The following MEGF6 variants were observed in gnomAD, a reference collection of about 807,000 sequenced individuals.
MEGF6 encodes the protein multiple epidermal growth factor-like domains protein 6.
In MEGF6, 184 loss-of-function variants were observed where a neutral mutation model predicts 207.1. That is an observed-to-expected ratio of 0.89 (90% CI 0.79 to 1.00). MEGF6 has a LOEUF of 1.00. MEGF6 is among the 50% of genes least tolerant of loss of function. MEGF6 has a pLI of 0.00. For synonymous variants in MEGF6, 1,038 were observed against 910.0 expected, an observed-to-expected ratio of 1.14 and a Z score of -2.53; for missense variants, 2,282 against 2,202.9, an observed-to-expected ratio of 1.04 and a Z score of -0.72.
At chr1:3,618,704 G>A in the MEGF6 span, among the ~76,000 whole-genome samples, 46 of 152,310 alleles carry the variant, frequency 3.0e-4, no homozygotes, top group Non-Finnish European at 5.4e-4. This position sits in a 1 kb window ranked among gnomAD's most constrained non-coding sequence, Gnocchi z 4.7. Context: ...CCACCTGAGC[G>A]CTCACGACTG....
chr1:3,524,543 C>T (rs1641888635), intron 4 of MEGF6, among the ~76,000 whole-genome samples: 9 of 152,322 alleles, frequency 5.9e-5, no homozygotes, highest in Admixed American at 5.2e-4. Context: ...AAGACTGAAC[C>T]GGGAGCGCAC....
intron 4 of MEGF6, chr1:3,531,156 G>A: frequency 6.6e-7 from 1 of 1,526,324 alleles, no homozygotes; most frequent in Non-Finnish European, 8.8e-7. Context: ...TCCAGAGGTA[G>A]CGGTAGTGCG....
At chr1:3,508,791 G>T in intron 12 of MEGF6, 102 bp from the exon 13 acceptor site, 1 of 1,434,620 alleles carries the variant, frequency 7.0e-7, no homozygotes, top group Non-Finnish European at 9.5e-7. Context: ...GGCATAAGGG[G>T]CATCCTCGGC....
At chr1:3,608,027 G>T (rs12096300) in intron 1 of MEGF6, among the ~76,000 whole-genome samples, 1,706 of 152,278 alleles carry the variant, frequency 0.011, 26 homozygotes, top group African/African-American at 0.039. Context: ...GGCGGCGGGG[G>T]TGAGGGGAGT....
intron 4 of MEGF6, among the ~76,000 whole-genome samples, chr1:3,578,546 G>C (rs572041059): frequency 4.6e-5 from 7 of 152,166 alleles, no homozygotes; most frequent in African/African-American, 1.2e-4. Context: ...TGGGGGGGGG[G>C]GGCCCTTTCG....
At chr1:3,557,053 G>A (rs1643057258) in intron 4 of MEGF6, among the ~76,000 whole-genome samples, 1 of 152,200 alleles carries the variant, frequency 6.6e-6, no homozygotes, top group Non-Finnish European at 1.5e-5. Flanking sequence ...CATCGCAGCA[G>A]CCAGGAGAGA....
rs554613640 is a variant in MEGF6, at chr1:3,522,235, T to A, written c.604+1889A>T. Among the ~76,000 whole-genome samples the A allele has an allele frequency of 1.8e-3, 278 of 152,184 alleles. 1 individual carries two copies. The highest frequency in any genetic ancestry group is 5.8e-3 in the African/African-American group (240 of 41,520). ...CCCTGAGTAGGTGAACGCACTTAGG[T>A]GACAGGCTGGCACGCAGGCGAGAGT... On this transcript the variant is annotated intron_variant, in intron 5 of 36. Coordinates refer to ENST00000356575, the MANE Select transcript of MEGF6 (RefSeq NM_001409.4).
chr1:3,490,592 G>T lies in MEGF6; in HGVS notation c.4565-3C>A. The T allele has an allele frequency of 6.2e-7, 1 of 1,613,030 alleles. No homozygotes were observed. Among genetic ancestry groups the T allele is most frequent in the Non-Finnish European group, 8.5e-7 (1 of 1,179,782 alleles). On this transcript the variant is annotated splice_region_variant and splice_polypyrimidine_tract_variant and intron_variant, in intron 36 of 36. Transcript: ENST00000356575. ...GCTGGAGGCGGGCAGTGTGCCCGCTGGGGAAAAGGAGAAAAGAGGGCCAGT... is the reference window on the plus strand; with the variant it reads ...GCTGGAGGCGGGCAGTGTGCCCGCTTGGGAAAAGGAGAAAAGAGGGCCAGT...
At chr1:3,590,552 C>T (rs1179219547) in intron 3 of MEGF6, among the ~76,000 whole-genome samples, 1 of 152,232 alleles carries the variant, frequency 6.6e-6, no homozygotes, top group Non-Finnish European at 1.5e-5. Flanking sequence ...CGATTAGCAG[C>T]TTCCGGCCAG....
intron 7 of MEGF6, among the ~76,000 whole-genome samples, chr1:3,514,019 C>T (rs890417952): frequency 3.9e-5 from 6 of 151,988 alleles, no homozygotes; most frequent in East Asian, 2.0e-4. Context: ...GAGGCCGAGG[C>T]GGGCGGATCA....
intron 7 of MEGF6, among the ~76,000 whole-genome samples, chr1:3,513,317 T>G (rs1292645326): frequency 1.3e-5 from 2 of 151,844 alleles, no homozygotes; most frequent in African/African-American, 4.8e-5. Flanking sequence ...GCTCAAGTGA[T>G]TCTCCTGCCT....
At chr1:3,555,915 C>T (rs1018766750) in intron 4 of MEGF6, among the ~76,000 whole-genome samples, 3 of 152,268 alleles carry the variant, frequency 2.0e-5, no homozygotes, top group Admixed American at 1.3e-4. Flanking sequence ...GTCTCCAACT[C>T]AAGCTGTCCC....
At chr1:3,501,351 T>TG in intron 18 of MEGF6, 43 bp from the exon 19 acceptor site, 1 of 1,561,330 alleles carries the variant, frequency 6.4e-7, no homozygotes. Flanking sequence ...AAGCTGCCCT[T>TG]GCTCAACACA....
chr1:3,570,059 CTTTGAAAGACAGGCT>C (rs550494478), intron 4 of MEGF6, among the ~76,000 whole-genome samples: 79 of 152,346 alleles, frequency 5.2e-4, no homozygotes, highest in African/African-American at 1.8e-3. Context: ...AGAGTCAGCC[CTTTGAAAGACAGGCT>C]GGATTCTGCA....
At position 3,489,767 on chromosome 1, in the gene MEGF6, T is replaced by C. The variant is rs1640277129; in HGVS notation, c.*761A>G. Among the ~76,000 whole-genome samples, 1 of 152,192 alleles carries C rather than the reference T, an allele frequency of 6.6e-6. No individual in the cohort carries two copies. Among genetic ancestry groups the C allele is most frequent in the African/African-American group, 2.4e-5 (1 of 41,448 alleles). On this transcript the variant is annotated 3_prime_UTR_variant, in exon 37 of 37. Coordinates refer to ENST00000356575, the MANE Select transcript of MEGF6 (RefSeq NM_001409.4). ...TCCTCAATAGCACTGGGAACTGAGA[T>C]GAGTCCCAACTTCTTCACTTGTGTG...
chr1:3,596,092 G>A lies in MEGF6; in HGVS notation c.267-645C>T, dbSNP rs549465008. ...GAGGAAGCAGTTAGGGGAGCAGCAG[G>A]AGGACCTGTGTGGGCCCAGGTCAGA... On this transcript the variant is annotated intron_variant, in intron 2 of 36. Transcript: ENST00000356575. Among the ~76,000 whole-genome samples, 3 of 152,250 alleles carry A rather than the reference G, an allele frequency of 2.0e-5. No homozygotes were observed. The East Asian group carries it at 5.8e-4, about 29-fold the overall frequency.
chr1:3,597,825 T>C (rs1644092590), intron 2 of MEGF6, among the ~76,000 whole-genome samples: 1 of 152,144 alleles, frequency 6.6e-6, no homozygotes, highest in Non-Finnish European at 1.5e-5. Context: ...GCCCTGCTGT[T>C]TTGAAGCCAC....
At chr1:3,520,751 G>C (rs1024244569) in intron 5 of MEGF6, among the ~76,000 whole-genome samples, 9 of 152,196 alleles carry the variant, frequency 5.9e-5, no homozygotes, top group Non-Finnish European at 8.8e-5. Context: ...CCCTTTTGGT[G>C]TCTGATTTCC....
intron 4 of MEGF6, among the ~76,000 whole-genome samples, chr1:3,548,601 G>A (rs1257575666): frequency 1.3e-5 from 2 of 152,240 alleles, no homozygotes; most frequent in African/African-American, 4.8e-5. Context: ...CTCCTCTGGT[G>A]TGGGGCAGGC....
Sources: allele counts gnomAD v4.1 joint callset (sites outside exome capture counted in the v4.1 genomes callset), GRCh38; gene constraint gnomAD v4.1.1; non-coding constraint Gnocchi (gnomAD v3.1); transcripts MANE v1.5; gene names NCBI Gene and HGNC (gene_info 2026-07-23, HGNC 2026-07-21).